The following SMG6 variants were observed in gnomAD, a reference collection of about 807,000 sequenced individuals.
SMG6 encodes the protein SMG6 nonsense mediated mRNA decay factor.
In SMG6, 66 loss-of-function variants were observed where a neutral mutation model predicts 142.2. That is an observed-to-expected ratio of 0.46 (90% CI 0.38 to 0.57). SMG6 has a LOEUF of 0.57. Ranked by LOEUF, SMG6 falls within the 20% of genes least tolerant of loss-of-function variation. The pLI, the probability that SMG6 is intolerant of heterozygous loss-of-function variation, is 0.00. For missense variants in SMG6, 1,793 were observed against 1,832.0 expected, an observed-to-expected ratio of 0.98 and a Z score of 0.39; for synonymous variants, 779 against 702.4, an observed-to-expected ratio of 1.11 and a Z score of -1.72.
rs1191813357 is a variant in SMG6, at chr17:2,060,018, T to A, written c.*1474A>T. On this transcript the variant is annotated 3_prime_UTR_variant, in exon 19 of 19. Coordinates refer to ENST00000263073, the MANE Select transcript of SMG6 (RefSeq NM_017575.5). ...CAAAGAGCCCAGTCTTCTGAGACTC[T>A]AGGGGACTCCTACCCCCAAACTACT... 1 of 152,462 alleles carries A rather than the reference T, an allele frequency of 6.6e-6. No individual in the cohort carries two copies. 9.4% of individuals were successfully genotyped at this position (152,462 alleles called of 1,614,324 possible). A position where few individuals can be genotyped will look rare whatever the true frequency, so the allele number is the denominator to read the frequency against.
At position 2,132,381 on chromosome 17, in the gene SMG6, C is replaced by T. The variant is rs1427608757; in HGVS notation, c.3357+40277G>A. Among the ~76,000 whole-genome samples the T allele has an allele frequency of 2.0e-5, 3 of 152,230 alleles. No homozygotes were observed. In the South Asian group the frequency reaches 6.2e-4, roughly 32 times the overall value. On this transcript the variant is annotated intron_variant, in intron 13 of 18. Transcript: ENST00000263073. ...CCTCAGAGCAACTTAACAGCAGATG[C>T]GTCACCCTGGCAGAGAAGCCCAGTC...
rs139071710 is a variant in SMG6, at chr17:2,297,202, A to C, written c.2151+41T>G. ...ACCTAACACTAGATAAACGCTTACGAAATGAATGAAAATTTAAGATACATA... is the reference window on the plus strand; with the variant it reads ...ACCTAACACTAGATAAACGCTTACGCAATGAATGAAAATTTAAGATACATA... On this transcript the variant is annotated intron_variant, in intron 4 of 18. Transcript: ENST00000263073. 1,041 of 1,443,398 alleles carry C rather than the reference A, an allele frequency of 7.2e-4. 10 individuals are homozygous for C. In the African/African-American group the frequency reaches 0.013, roughly 17 times the overall value. 89.4% of individuals were successfully genotyped at this position (1,443,398 alleles called of 1,614,324 possible).
chr17:2,113,821 T>G (rs1475669667), intron 13 of SMG6, among the ~76,000 whole-genome samples: 2 of 152,126 alleles, frequency 1.3e-5, no homozygotes, highest in Non-Finnish European at 2.9e-5. Context: ...TCCTCCTGAG[T>G]GTCACACGAG....
intron 13 of SMG6, among the ~76,000 whole-genome samples, chr17:2,095,728 C>T (rs1389947469): frequency 6.6e-6 from 1 of 152,216 alleles, no homozygotes; most frequent in African/African-American, 2.4e-5. Flanking sequence ...ACCCAGGACA[C>T]TGCTCCTTCA....
Position 2,163,798 on chromosome 17 carries a change from G to GTGGT in SMG6, c.3357+8856_3357+8859dup, listed in dbSNP as rs557382451. On this transcript the variant is annotated intron_variant, in intron 13 of 18. Transcript: ENST00000263073. ...TTCTGTTTCTTGAGCTGCTTGCTTG[G>GTGGT]TGGTTATGTAGTTGTTTATTCTCTA... 2.4e-4 allele frequency among the ~76,000 whole-genome samples: 37 copies of GTGGT among 151,996 alleles called. No homozygotes were observed. The East Asian group carries it at 7.0e-3, about 29-fold the overall frequency.
At chr17:2,065,237 G>A (rs747156565) in intron 17 of SMG6, 83 bp from the exon 18 acceptor site, 14 of 1,268,936 alleles carry the variant, frequency 1.1e-5, no homozygotes, top group African/African-American at 1.5e-5. Flanking sequence ...CTGCCTCGGG[G>A]GCCCTGGGCA....
intron 10 of SMG6, chr17:2,214,477 C>G (rs1164913555): frequency 6.6e-6 from 1 of 152,108 alleles, no homozygotes; most frequent in Non-Finnish European, 1.5e-5. Context: ...GGCTGTGCCC[C>G]GTATCTCTTC....
intron 9 of SMG6, among the ~76,000 whole-genome samples, chr17:2,243,643 G>T (rs761206338): frequency 6.6e-6 from 1 of 152,192 alleles, no homozygotes; most frequent in Non-Finnish European, 1.5e-5. Context: ...TCATGCCGCT[G>T]CACTCCAGCC....
At chr17:2,170,362 G>A (rs780085411) in intron 13 of SMG6, among the ~76,000 whole-genome samples, 3 of 152,194 alleles carry the variant, frequency 2.0e-5, no homozygotes, top group East Asian at 1.9e-4. Context: ...TCTGAAGCTC[G>A]TTAGGACTCT....
intron 13 of SMG6, among the ~76,000 whole-genome samples, chr17:2,089,165 G>C (rs2232476): frequency 2.4e-3 from 373 of 152,262 alleles, no homozygotes; most frequent in African/African-American, 8.5e-3. Flanking sequence ...AACTCTGCTC[G>C]TGAGCACATT....
chr17:2,076,058 G>A (rs935370234), intron 15 of SMG6, among the ~76,000 whole-genome samples: 6 of 152,224 alleles, frequency 3.9e-5, no homozygotes, highest in Admixed American at 6.5e-5. Context: ...GGTAAGAGCA[G>A]GGAAGTGGGG....
rs982950294 is a variant in SMG6 at position 2,226,453 on chromosome 17, C to T, written c.2869+10039G>A. Among the ~76,000 whole-genome samples the T allele has an allele frequency of 4.0e-5, 6 of 151,536 alleles. No homozygotes were observed. The South Asian group carries it at 1.0e-3, about 26-fold the overall frequency. On this transcript the variant is annotated intron_variant, in intron 10 of 18. Transcript: ENST00000263073. ...AATTAGCCGGGTGTGGTGGTGTGTG[C>T]CTGTAATCCCAGCTACTTGGGAGAC...
chr17:2,202,320 G>A (rs2151726458), intron 10 of SMG6, among the ~76,000 whole-genome samples: 1 of 152,298 alleles, frequency 6.6e-6, no homozygotes, highest in African/African-American at 2.4e-5. Flanking sequence ...AAGCCAAGAG[G>A]AGAGGATCAC....
chr17:2,289,278 G>A (rs559714194), intron 6 of SMG6, among the ~76,000 whole-genome samples: 55 of 152,078 alleles, frequency 3.6e-4, no homozygotes, highest in African/African-American at 1.3e-3. Context: ...TTAAGTGACT[G>A]GGAGCAGTGA....
At chr17:2,288,336 C>T (rs1252740866) in intron 6 of SMG6, among the ~76,000 whole-genome samples, 1 of 150,872 alleles carries the variant, frequency 6.6e-6, no homozygotes, top group African/African-American at 2.4e-5. Flanking sequence ...AAGAGCAAGA[C>T]AGCCCGGGAG....
At chr17:2,292,177 T>A (rs2075052524) in intron 6 of SMG6, among the ~76,000 whole-genome samples, 1 of 152,200 alleles carries the variant, frequency 6.6e-6, no homozygotes, top group Non-Finnish European at 1.5e-5. Flanking sequence ...AGGTGAAAAC[T>A]TTAAGGGAGA....
Position 2,297,368 on chromosome 17 carries a change from A to G in SMG6, c.2041-15T>C. 6 of 1,579,220 alleles carry G rather than the reference A, an allele frequency of 3.8e-6. No homozygotes were observed. The highest frequency in any genetic ancestry group is 5.2e-6 in the Non-Finnish European group (6 of 1,160,682). On this transcript the variant is annotated splice_polypyrimidine_tract_variant and intron_variant, in intron 3 of 18. Transcript: ENST00000263073. ...AAGTCACTACCCTATAAAAAGAAAA[A>G]AAGAAATGACTGAATCAATCTATTC...
intron 13 of SMG6, among the ~76,000 whole-genome samples, chr17:2,147,910 T>C (rs1338217306): frequency 1.3e-5 from 2 of 152,094 alleles, no homozygotes; most frequent in African/African-American, 4.8e-5. Context: ...TAAACACAGA[T>C]GACCGGGCAC....
chr17:2,114,802 G>A (rs201360513), intron 13 of SMG6, among the ~76,000 whole-genome samples: 4 of 151,528 alleles, frequency 2.6e-5, no homozygotes, highest in South Asian at 2.1e-4. Context: ...GGTGGCAGGC[G>A]CCTGTAATCC....
Sources: gnomAD v4.1 joint callset for allele counts (sites outside exome capture counted in the v4.1 genomes callset) on GRCh38, gnomAD v4.1.1 for gene constraint, MANE v1.5 for transcripts, NCBI Gene and HGNC (gene_info 2026-07-23, HGNC 2026-07-21) for gene names.